The following EEF2K variants were observed in gnomAD, a reference collection of about 807,000 sequenced individuals.
The protein encoded by EEF2K is alternative protein EEF2K.
EEF2K carries 70 observed loss-of-function variants against 93.8 expected under a neutral mutation model. The ratio of observed to expected loss-of-function variants is 0.75; its 90% confidence interval spans 0.62 to 0.91. EEF2K has a LOEUF of 0.91. Ranked by LOEUF, EEF2K falls within the 40% of genes least tolerant of loss-of-function variation. EEF2K has a pLI of 0.00. For missense variants in EEF2K, 935 were observed against 972.9 expected (o/e 0.96, Z 0.52); for synonymous variants, 376 against 380.8 (o/e 0.99, Z 0.15).
intron 2 of EEF2K, among the ~76,000 whole-genome samples, chr16:22,231,262 ATTTG>A (rs2047112154): frequency 6.7e-6 from 1 of 149,592 alleles, no homozygotes; most frequent in Non-Finnish European, 1.5e-5. Flanking sequence ...CTAATTTTTT[ATTTG>A]TTTATTTATT....
At position 22,225,839 on chromosome 16, in the gene EEF2K, ACTT is replaced by A. The variant is rs748539609; in HGVS notation, c.112_114del (p.Phe38del). 2.5e-6 allele frequency: 4 copies of A among 1,614,238 alleles called. No individual in the cohort carries two copies. The African/African-American group carries it at 4.0e-5, about 16-fold the overall frequency. Reference sequence around the variant, plus strand: ...GGGGACAGCGACGATGAGGAAGGTTACTTCATCTGCCCCATCACGGATGACCCA... The same window carrying A: ...GGGGACAGCGACGATGAGGAAGGTTACATCTGCCCCATCACGGATGACCCA... On this transcript the variant is annotated inframe_deletion, in exon 2 of 18. Coordinates refer to ENST00000263026, the MANE Select transcript of EEF2K (RefSeq NM_013302.5).
chr16:22,281,017 C>T lies in EEF2K; in HGVS notation c.2068+641C>T, dbSNP rs140984787. 5.4e-3 allele frequency among the ~76,000 whole-genome samples: 827 copies of T among 152,118 alleles called. 9 individuals carry two copies. The highest frequency in any genetic ancestry group is 0.019 in the African/African-American group (796 of 41,500). On this transcript the variant is annotated intron_variant, in intron 17 of 17. Transcript: ENST00000263026. ...GTGGGCCATCTCTGCTCCCTGCAAC[C>T]TTCACCTCCCAGGTTCAGGTGATTC...
intron 6 of EEF2K, among the ~76,000 whole-genome samples, chr16:22,254,461 G>A (rs1372031672): frequency 6.6e-6 from 1 of 152,156 alleles, no homozygotes; most frequent in African/African-American, 2.4e-5. Context: ...ACTCTCCATG[G>A]ATGGTCGTTT....
In EEF2K at chr16:22,241,853, G is replaced by C. The variant is rs913057214; in HGVS notation, c.247-2777G>C. 2.6e-5 allele frequency among the ~76,000 whole-genome samples: 4 copies of C among 152,012 alleles called. No homozygotes were observed. In the South Asian group the frequency reaches 8.3e-4, roughly 31 times the overall value. On this transcript the variant is annotated intron_variant, in intron 2 of 17. Coordinates refer to ENST00000263026, the MANE Select transcript of EEF2K (RefSeq NM_013302.5). Reference sequence around the variant, plus strand: ...AGGTAAAAAAGCCCCAGCAGGCTAGGTGCAGCAGCTCATCTCTGTAATCCT... The same window carrying C: ...AGGTAAAAAAGCCCCAGCAGGCTAGCTGCAGCAGCTCATCTCTGTAATCCT...
At chr16:22,211,850 A>C (rs952793345) in intron 1 of EEF2K, among the ~76,000 whole-genome samples, 1 of 152,074 alleles carries the variant, frequency 6.6e-6, no homozygotes, top group Admixed American at 6.6e-5. Flanking sequence ...TGCAGCATGC[A>C]CTTGTGCATT....
chr16:22,249,466 A>G (rs768074966), intron 4 of EEF2K, among the ~76,000 whole-genome samples: 3 of 152,180 alleles, frequency 2.0e-5, no homozygotes, highest in Non-Finnish European at 2.9e-5. Context: ...ATCGGCCCGT[A>G]TCAACAAACA....
chr16:22,280,347 A>G lies in EEF2K; in HGVS notation c.2039A>G (p.Tyr680Cys). ...REAEMLFTGG[Y>C]GLEKDPQRSG... ...GCCGAGATGCTGTTCACAGGAGGCT[A>G]CGGGCTGGAGAAGGACCCGCAGAGA... Residue 680 changes from tyrosine to cysteine, a missense_variant, in exon 17 of 18, where the codon TAC becomes TGC. Physicochemically the swap from Tyr to Cys is radical, Grantham distance 194 (BLOSUM62 -2). Transcript: ENST00000263026. 6.3e-7 allele frequency: 1 copy of G among 1,595,730 alleles called. No individual in the cohort carries two copies. Among genetic ancestry groups the G allele is most frequent in the Non-Finnish European group, 8.5e-7 (1 of 1,170,914 alleles).
intron 1 of EEF2K, among the ~76,000 whole-genome samples, chr16:22,223,262 G>GTTTTTTTTTTTTTTTTTTTTTTGTT (rs58446693): frequency 2.8e-5 from 3 of 107,456 alleles, no homozygotes; most frequent in African/African-American, 1.0e-4. Flanking sequence ...GTTTTTTTCT[G>GTTTTTTTTTTTTTTTTTTTTTTGTT]TTTTTTTTTT....
chr16:22,270,772 A>G (rs1197645905), intron 15 of EEF2K, among the ~76,000 whole-genome samples: 4 of 152,124 alleles, frequency 2.6e-5, no homozygotes, highest in African/African-American at 9.7e-5. Flanking sequence ...CAGTCAGATT[A>G]CATCATTTGA....
At chr16:22,268,913 C>T (rs969690505) in intron 15 of EEF2K, among the ~76,000 whole-genome samples, 6 of 151,710 alleles carry the variant, frequency 4.0e-5, no homozygotes, top group African/African-American at 4.8e-5. Flanking sequence ...GCAGAGATCA[C>T]GCCACTGCAC....
chr16:22,214,738 G>A (rs1448132115), intron 1 of EEF2K, among the ~76,000 whole-genome samples: 6 of 152,178 alleles, frequency 3.9e-5, no homozygotes, highest in African/African-American at 4.8e-5. Context: ...TTTGAGCTGC[G>A]TCTTGAAGAG....
At chr16:22,256,960 G>T in intron 7 of EEF2K, 63 bp downstream of exon 7, 1 of 1,597,054 alleles carries the variant, frequency 6.3e-7, no homozygotes, top group South Asian at 1.1e-5. Flanking sequence ...TCCTGGCCAG[G>T]CTCAGCCCCT....
At chr16:22,232,083 G>C (rs996022487) in intron 2 of EEF2K, among the ~76,000 whole-genome samples, 1 of 148,934 alleles carries the variant, frequency 6.7e-6, no homozygotes, top group African/African-American at 2.5e-5. Context: ...TCTAGGCTCT[G>C]TTCATCCCCT....
chr16:22,245,932 T>C lies in EEF2K; in HGVS notation c.347+1202T>C, dbSNP rs74014916. On this transcript the variant is annotated intron_variant, in intron 3 of 17. Coordinates refer to ENST00000263026, the MANE Select transcript of EEF2K (RefSeq NM_013302.5). ...TGTGCGTCTAATTCTGTTCCTCTAA[T>C]TGAAGGAATTAGAGGAGTTTTGAGT... Among the ~76,000 whole-genome samples the C allele has an allele frequency of 5.8e-3, 877 of 152,188 alleles. 10 individuals carry two copies. Among genetic ancestry groups the C allele is most frequent in the African/African-American group, 0.02 (835 of 41,528 alleles).
At chr16:22,256,707 G>T (rs375099811) in intron 6 of EEF2K, 41 bp from the exon 7 acceptor site, 4 of 1,599,782 alleles carry the variant, frequency 2.5e-6, no homozygotes, top group Non-Finnish European at 3.4e-6. Flanking sequence ...GAGGAGGTGC[G>T]CCTGGGCCCT....
intron 16 of EEF2K, among the ~76,000 whole-genome samples, chr16:22,275,618 C>T (rs574785679): frequency 6.6e-6 from 1 of 152,062 alleles, no homozygotes; most frequent in African/African-American, 2.4e-5. Context: ...GCTGGAATTA[C>T]AGACCTGAGC....
At chr16:22,245,608 C>T (rs970492407) in intron 3 of EEF2K, among the ~76,000 whole-genome samples, 2 of 151,960 alleles carry the variant, frequency 1.3e-5, no homozygotes, top group African/African-American at 2.4e-5. Flanking sequence ...CACCTCAGCC[C>T]GGAGGGAGGT....
intron 1 of EEF2K, among the ~76,000 whole-genome samples, chr16:22,222,205 T>A (rs1373408050): frequency 6.6e-6 from 1 of 152,124 alleles, no homozygotes; most frequent in Non-Finnish European, 1.5e-5. Context: ...TTTCTTTTCT[T>A]TTTTTGGAGA....
intron 1 of EEF2K, among the ~76,000 whole-genome samples, chr16:22,218,530 G>C (rs1390201969): frequency 6.6e-6 from 1 of 152,138 alleles, no homozygotes; most frequent in Non-Finnish European, 1.5e-5. Context: ...ATAGTTTCCT[G>C]CCCCTGTAAC....
Sources: allele counts gnomAD v4.1 joint callset (sites outside exome capture counted in the v4.1 genomes callset), GRCh38; gene constraint gnomAD v4.1.1; transcripts MANE v1.5; gene names NCBI Gene and HGNC (gene_info 2026-07-23, HGNC 2026-07-21).